The following TOPAZ1 variants were observed in gnomAD, a reference collection of about 807,000 sequenced individuals.
The protein encoded by TOPAZ1 is protein TOPAZ1.
In TOPAZ1, 66 loss-of-function variants were observed where a neutral mutation model predicts 172.2. The observed-to-expected ratio is 0.38, with a 90% CI of 0.31 to 0.47. The LOEUF (loss-of-function observed/expected upper bound fraction) is 0.47. Ranked by LOEUF, TOPAZ1 falls within the 20% of genes least tolerant of loss-of-function variation. TOPAZ1 has a pLI of 0.99. For missense variants in TOPAZ1, 1,822 were observed against 1,972.4 expected, an observed-to-expected ratio of 0.92 and a Z score of 1.44; for synonymous variants, 681 against 683.9, an observed-to-expected ratio of 1.00 and a Z score of 0.07.
At chr3:44,328,143 G>A in intron 18 of TOPAZ1, 107 bp from the exon 19 acceptor site, 1 of 623,468 alleles carries the variant, frequency 1.6e-6, no homozygotes, top group Non-Finnish European at 2.6e-6. Flanking sequence ...TACTTCTAAT[G>A]TGAAGACTTA....
intron 16 of TOPAZ1, among the ~76,000 whole-genome samples, chr3:44,312,822 G>GA (rs1700410346): frequency 6.6e-6 from 1 of 152,126 alleles, no homozygotes; most frequent in Non-Finnish European, 1.5e-5. Context: ...CATTTATTGA[G>GA]AAACTGCCTT....
chr3:44,270,641 T>G (rs981891091), intron 7 of TOPAZ1, 44 bp from the exon 8 acceptor site: 2 of 1,458,726 alleles, frequency 1.4e-6, no homozygotes, highest in Non-Finnish European at 1.8e-6. Context: ...CTATAGTAAG[T>G]GCTTTACAGT....
intron 18 of TOPAZ1, 130 bp downstream of exon 18, chr3:44,323,425 C>A: frequency 2.0e-6 from 1 of 511,780 alleles, no homozygotes; most frequent in South Asian, 3.5e-5. Flanking sequence ...ATGTAGTGGT[C>A]TCAACAGATC....
Position 44,309,836 on chromosome 3 carries a change from C to G in TOPAZ1, c.4152C>G (p.Val1384=). The G allele has an allele frequency of 6.6e-7, 1 of 1,521,992 alleles. No homozygotes were observed. Among genetic ancestry groups the G allele is most frequent in the Admixed American group, 2.1e-5 (1 of 46,796 alleles). 94.3% of individuals were successfully genotyped at this position (1,521,992 alleles called of 1,614,324 possible). A position where few individuals can be genotyped will look rare whatever the true frequency, so the allele number is the denominator to read the frequency against. ...TATTTTTATTCTAGGGAAGGAAGGT[C>G]TTAGAGAAACTATATGAATTAAAAA... is the stretch of plus-strand genomic sequence containing the variant. ...KLLQWSKGRK[V]LEKLYELKIH... is the part of the protein sequence containing the mutation. Residue 1384 remains valine (V), a synonymous_variant, in exon 16 of 20, where the codon GTC becomes GTG. Transcript: ENST00000309765.
At chr3:44,258,393 T>C (rs1305210755) in intron 4 of TOPAZ1, among the ~76,000 whole-genome samples, 2 of 152,212 alleles carry the variant, frequency 1.3e-5, no homozygotes, top group African/African-American at 4.8e-5. Flanking sequence ...ACAGAACATT[T>C]CCGTCACCAC....
chr3:44,272,101 A>G (rs984525094), intron 8 of TOPAZ1, among the ~76,000 whole-genome samples: 3 of 152,194 alleles, frequency 2.0e-5, no homozygotes, highest in African/African-American at 7.2e-5. Context: ...GCTGAATAGT[A>G]TTTCATTGTG....
chr3:44,259,146 TC>T (rs1393285730), intron 4 of TOPAZ1, among the ~76,000 whole-genome samples: 1 of 152,122 alleles, frequency 6.6e-6, no homozygotes, highest in African/African-American at 2.4e-5. Context: ...ATTGTTGTCC[TC>T]CCCAAGTGGT....
chr3:44,315,340 C>T (rs1700440351), intron 16 of TOPAZ1, among the ~76,000 whole-genome samples: 2 of 151,418 alleles, frequency 1.3e-5, no homozygotes, highest in South Asian at 2.1e-4. Flanking sequence ...AAAATCATTT[C>T]AGAAAAAACG....
At chr3:44,297,709 A>G (rs6772940) in intron 12 of TOPAZ1, among the ~76,000 whole-genome samples, 72,315 of 151,596 alleles carry the variant, frequency 0.48, 18,131 homozygotes, top group East Asian at 0.81. Context: ...GTATTTGCAG[A>G]TGACATTTTC....
chr3:44,289,641 A>G (rs577262915), intron 11 of TOPAZ1, among the ~76,000 whole-genome samples: 5 of 152,274 alleles, frequency 3.3e-5, no homozygotes, highest in South Asian at 4.1e-4. Context: ...GCTTGTTACT[A>G]TTGTCCTTCA....
intron 16 of TOPAZ1, among the ~76,000 whole-genome samples, chr3:44,312,311 C>T (rs1263401446): frequency 6.6e-6 from 1 of 150,494 alleles, no homozygotes; most frequent in Non-Finnish European, 1.5e-5. Flanking sequence ...TGGACAAATA[C>T]GTATTTGCTT....
intron 8 of TOPAZ1, among the ~76,000 whole-genome samples, chr3:44,278,260 C>T (rs1178640604): frequency 6.6e-6 from 1 of 151,888 alleles, no homozygotes; most frequent in East Asian, 1.9e-4. Context: ...TTTTTATGTG[C>T]TGCTAGATTC....
At position 44,243,818 on chromosome 3, in the gene TOPAZ1, G is replaced by A; in HGVS notation, c.1312G>A (p.Glu438Lys). ...GAATGCTTCAGAGCCGTTAGGTTAT[G>A]AAAGCATGGCATCGAAAGAGGATTT... ...TENASEPLGY[E>K]SMASKEDFKS... The change falls in exon 2 of 20, where the codon GAA (glutamate) becomes AAA (lysine). Residue 438 changes from glutamate (E) to lysine (K), a missense_variant. Around this residue, in one of 2 missense-constraint regions of TOPAZ1, gnomAD observed 1,489 missense variants for 1,490.8 expected, o/e 1.00. Coordinates refer to ENST00000309765, the MANE Select transcript of TOPAZ1 (RefSeq NM_001145030.2). 2 of 1,551,662 alleles carry A rather than the reference G, an allele frequency of 1.3e-6. No individual in the cohort carries two copies. Among genetic ancestry groups the A allele is most frequent in the Non-Finnish European group, 1.7e-6 (2 of 1,146,984 alleles).
In TOPAZ1 at chr3:44,262,440, A is replaced by G. The variant is rs575671607; in HGVS notation, c.2977A>G (p.Ile993Val). 2.6e-5 allele frequency: 38 copies of G among 1,489,218 alleles called. No individual in the cohort carries two copies. The highest frequency in any genetic ancestry group is 3.4e-5 in the Non-Finnish European group (37 of 1,094,716). 92.3% of individuals were successfully genotyped at this position (1,489,218 alleles called of 1,614,324 possible). The change falls in exon 5 of 20, where the codon ATT (isoleucine) becomes GTT (valine). Residue 993 changes from isoleucine (I) to valine (V), a missense_variant. Transcript: ENST00000309765. ...ACAGCATAGATTTACAGACAAAGTG[A>G]TTACCAAAGAAGAAAAAGAAAATAT... Reference protein sequence around the residue: ...DEKHRFTDKVITKEEKENIYE... With the variant: ...DEKHRFTDKVVTKEEKENIYE...
At chr3:44,266,876 A>G in intron 5 of TOPAZ1, 121 bp from the exon 6 acceptor site, 1 of 741,466 alleles carries the variant, frequency 1.3e-6, no homozygotes, top group Non-Finnish European at 2.0e-6. Flanking sequence ...ACAGTGCTTC[A>G]ATTTGTAAAA....
intron 5 of TOPAZ1, among the ~76,000 whole-genome samples, chr3:44,266,481 T>C (rs768185589): frequency 3.3e-5 from 5 of 152,214 alleles, no homozygotes; most frequent in Admixed American, 6.5e-5. Context: ...AAGTGATAGA[T>C]GTGATACTCC....
chr3:44,302,044 G>A (rs1264342767), intron 12 of TOPAZ1, among the ~76,000 whole-genome samples: 1 of 152,002 alleles, frequency 6.6e-6, no homozygotes, highest in African/African-American at 2.4e-5. Flanking sequence ...TTTCTCTTAG[G>A]TATGTTATGT....
At chr3:44,333,266 C>T (rs1001065668), downstream of TOPAZ1, among the ~76,000 whole-genome samples, 3 of 152,006 alleles carry the variant, frequency 2.0e-5, no homozygotes, top group African/African-American at 7.3e-5. Flanking sequence ...AAATGTAGAA[C>T]GAATACTATC....
intron 4 of TOPAZ1, among the ~76,000 whole-genome samples, chr3:44,261,136 A>G (rs965441236): frequency 3.3e-5 from 5 of 152,060 alleles, no homozygotes; most frequent in Non-Finnish European, 5.9e-5. Context: ...AGTTTTTTTA[A>G]TGTATAAATT....
Sources: allele counts gnomAD v4.1 joint callset (sites outside exome capture counted in the v4.1 genomes callset), GRCh38; gene constraint gnomAD v4.1.1; regional missense constraint gnomAD v4.1.1; transcripts MANE v1.5; gene names NCBI Gene and HGNC (gene_info 2026-07-23, HGNC 2026-07-21).